The following SLC12A7 variants were observed in gnomAD, a reference collection of about 807,000 sequenced individuals.
The protein encoded by SLC12A7 is K-Cl cotransporter 4.
In SLC12A7, 100 loss-of-function variants were observed where a neutral mutation model predicts 120.6. That is an observed-to-expected ratio of 0.83 (90% CI 0.71 to 0.98). The LOEUF is 0.98. Among genes scored for constraint, SLC12A7 ranks in the 50% least tolerant of loss-of-function variants. SLC12A7 has a pLI of 0.00. For synonymous variants in SLC12A7, 760 were observed against 678.0 expected (o/e 1.12, Z -1.88); for missense variants, 1,373 against 1,548.1 (o/e 0.89, Z 1.90).
At position 1,073,698 on chromosome 5, in the gene SLC12A7, T is replaced by C. The variant is rs1274291562; in HGVS notation, c.2176A>G (p.Ile726Val). ...GTCCCCTCCAGCACCGAGCCCACGA[T>C]GGTCAGGCCCTTGCCGGCCTTCAGC... ...SQLKAGKGLT[I>V]VGSVLEGTYL... Residue 726 changes from isoleucine (I) to valine (V), a missense_variant, in exon 17 of 24, where the codon ATC becomes GTC. By Grantham distance (29) the Ile-to-Val change is conservative. Coordinates refer to ENST00000264930, the MANE Select transcript of SLC12A7 (RefSeq NM_006598.3). 5 of 1,558,554 alleles carry C rather than the reference T, an allele frequency of 3.2e-6. No homozygotes were observed. The highest frequency in any genetic ancestry group is 3.6e-5 in the Admixed American group (2 of 55,510).
the SLC12A7 span, among the ~76,000 whole-genome samples, chr5:1,128,641 C>T: frequency 6.6e-6 from 1 of 152,234 alleles, no homozygotes; most frequent in Non-Finnish European, 1.5e-5. Context: ...GAGACTGGTA[C>T]AGACCAGGTG....
At chr5:1,139,450 G>A in the SLC12A7 span, among the ~76,000 whole-genome samples, 3 of 152,396 alleles carry the variant, frequency 2.0e-5, no homozygotes, top group South Asian at 6.2e-4. Flanking sequence ...ATGCGGTTCT[G>A]GGAGCTGGGG....
the SLC12A7 span, among the ~76,000 whole-genome samples, chr5:1,131,206 C>T: frequency 5.9e-5 from 9 of 152,308 alleles, no homozygotes; most frequent in African/African-American, 2.2e-4. Flanking sequence ...CACGCTCGGA[C>T]TCACGGGGAC....
chr5:1,150,701 G>A, the SLC12A7 span, among the ~76,000 whole-genome samples: 5 of 152,212 alleles, frequency 3.3e-5, no homozygotes, highest in African/African-American at 4.8e-5. Flanking sequence ...GTGACAAAAC[G>A]CAAGCTTGTC....
intron 17 of SLC12A7, among the ~76,000 whole-genome samples, chr5:1,066,716 G>A (rs1737092847): frequency 6.6e-6 from 1 of 152,220 alleles, no homozygotes; most frequent in South Asian, 2.1e-4. Flanking sequence ...GGCAGGAAGA[G>A]CTCTCAGACT....
chr5:1,095,670 A>C (rs1436927900), intron 1 of SLC12A7, among the ~76,000 whole-genome samples: 1 of 152,200 alleles, frequency 6.6e-6, no homozygotes, highest in South Asian at 2.1e-4. Flanking sequence ...TGCACCAAAC[A>C]ACCCCAGCTG....
At chr5:1,057,265 G>A (rs745966440) in intron 22 of SLC12A7, 47 of 541,734 alleles carry the variant, frequency 8.7e-5, no homozygotes, top group Non-Finnish European at 1.2e-4. Context: ...CTCAGCGCCC[G>A]GCCACAGGGC....
chr5:1,127,740 C>T, the SLC12A7 span, among the ~76,000 whole-genome samples: 4 of 152,150 alleles, frequency 2.6e-5, no homozygotes, highest in Non-Finnish European at 5.9e-5. Flanking sequence ...TTTAACTTTG[C>T]CCCCCTCCTG....
intron 7 of SLC12A7, 51 bp downstream of exon 7, chr5:1,085,181 A>G: frequency 6.3e-7 from 1 of 1,592,474 alleles, no homozygotes; most frequent in Non-Finnish European, 8.6e-7. Flanking sequence ...AGCCCATGGG[A>G]CCTGGCCCCA....
chr5:1,127,753 C>A, the SLC12A7 span, among the ~76,000 whole-genome samples: 1 of 152,214 alleles, frequency 6.6e-6, no homozygotes, highest in Non-Finnish European at 1.5e-5. Flanking sequence ...CCCTCCTGCA[C>A]ATAAAACCTT....
the SLC12A7 span, among the ~76,000 whole-genome samples, chr5:1,124,438 C>T: frequency 1.3e-5 from 2 of 152,226 alleles, no homozygotes; most frequent in African/African-American, 4.8e-5. Context: ...GAAACAGCTG[C>T]AGCCTCGACC....
At chr5:1,089,791 A>G (rs914648529) in intron 3 of SLC12A7, among the ~76,000 whole-genome samples, 2 of 152,196 alleles carry the variant, frequency 1.3e-5, no homozygotes, top group African/African-American at 4.8e-5. Flanking sequence ...CACATGGGCA[A>G]GGGTCAGCAG....
chr5:1,148,572 A>G, the SLC12A7 span, among the ~76,000 whole-genome samples: 1 of 152,372 alleles, frequency 6.6e-6, no homozygotes, highest in South Asian at 2.1e-4. Context: ...ATACAAAATT[A>G]TAACAAATTT....
At chr5:1,067,491 G>A (rs1045690833) in intron 17 of SLC12A7, among the ~76,000 whole-genome samples, 1 of 152,240 alleles carries the variant, frequency 6.6e-6, no homozygotes, top group African/African-American at 2.4e-5. Context: ...GGCAATTCAG[G>A]TTCTCTGTTC....
chr5:1,114,235 C>T (rs1386339713), upstream of SLC12A7, among the ~76,000 whole-genome samples: 1 of 152,238 alleles, frequency 6.6e-6, no homozygotes, highest in Non-Finnish European at 1.5e-5. Context: ...GGTGGGTGCC[C>T]AGCCCTGCCA....
At chr5:1,146,251 G>A in the SLC12A7 span, among the ~76,000 whole-genome samples, 2 of 152,164 alleles carry the variant, frequency 1.3e-5, no homozygotes, top group Non-Finnish European at 2.9e-5. This position sits in a 1 kb window ranked among gnomAD's most constrained non-coding sequence, Gnocchi z 6.5. Context: ...TCTGTGATGA[G>A]ACCTCAGGGA....
rs550208574 is a variant in SLC12A7 at position 1,094,410 on chromosome 5, C to T, written c.125-162G>A. ...CTCACACACTCTCCTTCCTTCCACA[C>T]ATCTGTGTTCCAAAGAAAGGGGCAT... is the stretch of plus-strand genomic sequence containing the variant. On this transcript the variant is annotated intron_variant, in intron 1 of 23. Coordinates refer to ENST00000264930, the MANE Select transcript of SLC12A7 (RefSeq NM_006598.3). Among the ~76,000 whole-genome samples, 179 of 152,342 alleles carry T rather than the reference C, an allele frequency of 1.2e-3. 1 individual carries two copies. Among genetic ancestry groups the T allele is most frequent in the African/African-American group, 4.0e-3 (168 of 41,570 alleles).
the SLC12A7 span, among the ~76,000 whole-genome samples, chr5:1,138,413 A>C: frequency 6.6e-6 from 1 of 152,196 alleles, no homozygotes; most frequent in East Asian, 1.9e-4. Flanking sequence ...ACAAACCTTT[A>C]GCTACACACA....
chr5:1,078,833 T>TGGGGGGG, intron 10 of SLC12A7, 75 bp from the exon 11 acceptor site: 1 of 24,078 alleles, frequency 4.2e-5, no homozygotes. Flanking sequence ...TGGGGTGGGG[T>TGGGGGGG]GGGGTGGGTG....
Sources: allele counts gnomAD v4.1 joint callset (sites outside exome capture counted in the v4.1 genomes callset), GRCh38; gene constraint gnomAD v4.1.1; non-coding constraint Gnocchi (gnomAD v3.1); transcripts MANE v1.5; gene names NCBI Gene and HGNC (gene_info 2026-07-23, HGNC 2026-07-21).